SETD1A: variants seen among roughly 807,000 people sequenced by gnomAD.
The protein encoded by SETD1A is histone-lysine N-methyltransferase SETD1A.
In SETD1A, 29 loss-of-function variants were observed where a neutral mutation model predicts 149.9. That is an observed-to-expected ratio of 0.19 (90% confidence interval 0.14 to 0.26). SETD1A has a LOEUF of 0.26. SETD1A is among the 10% of genes least tolerant of loss of function. SETD1A has a pLI of 1.00. For synonymous variants in SETD1A, 1,141 were observed against 968.5 expected (o/e 1.18, Z -3.31); for missense variants, 2,109 against 2,353.1 (o/e 0.90, Z 2.15).
chr16:30,964,578 C>T (rs2056107255), intron 6 of SETD1A, 34 bp from the exon 7 acceptor site: 1 of 1,594,940 alleles, frequency 6.3e-7, no homozygotes, highest in Non-Finnish European at 8.5e-7. Context: ...TCATAGAGAG[C>T]TGAGTCCAGC....
Position 30,965,803 on chromosome 16 carries a change from C to G in SETD1A, c.1922C>G (p.Pro641Arg). The change falls in exon 8 of 19, where the codon CCG becomes CGG. Residue 641 changes from proline to arginine, a missense_variant. Transcript: ENST00000262519. ...CTCCTCCCACCCAGACCTGATGGGC[C>G]GCCGCCCCCTGAGTACCCCCCACCT... ...AYLLPPRPDG[P>R]PPPEYPPPPP... 2 of 1,591,906 alleles carry G rather than the reference C, an allele frequency of 1.3e-6. No individual in the cohort carries two copies. Among genetic ancestry groups the G allele is most frequent in the Non-Finnish European group, 1.7e-6 (2 of 1,167,810 alleles).
rs975419091 is a variant in SETD1A, at chr16:30,958,835, C to T, written c.104C>T (p.Pro35Leu). 11 of 1,614,064 alleles carry T rather than the reference C, an allele frequency of 6.8e-6. No homozygotes were observed. The highest frequency in any genetic ancestry group is 1.7e-5 in the Admixed American group (1 of 60,008). Residue 35 changes from proline (P) to leucine (L), a missense_variant, in exon 2 of 19, where the codon CCT becomes CTT. Physicochemically the swap from Pro to Leu is moderately conservative, Grantham distance 98. Transcript: ENST00000262519. ...GCCTTGGACCCTGCCCTGCGCAGGC[C>T]TTCTCAGAAGGTGTACCGCTATGAT... is the stretch of plus-strand genomic sequence containing the variant. Reference protein sequence around the residue: ...DPALDPALRRPSQKVYRYDGV... With the variant: ...DPALDPALRRLSQKVYRYDGV...
chr16:30,974,589 A>G (rs998253456), intron 13 of SETD1A, among the ~76,000 whole-genome samples: 42 of 152,284 alleles, frequency 2.8e-4, no homozygotes, highest in African/African-American at 1.0e-3. Context: ...TTTGACAGTT[A>G]GGAGGTCATT....
rs2056117500 is a variant in SETD1A, at chr16:30,964,995, G to GCCGGCCCACCGACCAGGACTA, written c.1260_1280dup (p.Thr421_Pro427dup). 6.2e-7 allele frequency: 1 copy of GCCGGCCCACCGACCAGGACTA among 1,613,780 alleles called. No homozygotes were observed. Among genetic ancestry groups the GCCGGCCCACCGACCAGGACTA allele is most frequent in the African/African-American group, 1.3e-5 (1 of 75,028 alleles). Reference sequence around the variant, plus strand: ...ACCTCCTACCTGCCCCCCGAGCCCAGCCGGCCCACCGACCAGGACTACCGG... The same window carrying GCCGGCCCACCGACCAGGACTA: ...ACCTCCTACCTGCCCCCCGAGCCCAGCCGGCCCACCGACCAGGACTACCGGCCCACCGACCAGGACTACCGG... On this transcript the variant is annotated inframe_insertion, in exon 7 of 19. Transcript: ENST00000262519.
intron 10 of SETD1A, 126 bp downstream of exon 10, chr16:30,967,714 G>T: frequency 1.3e-6 from 1 of 750,776 alleles, no homozygotes. Flanking sequence ...GGGTTGAAAT[G>T]CAGCAGTTCT....
rs1261769587 is a variant in SETD1A, at chr16:30,979,187, C to T, written c.3401C>T (p.Pro1134Leu). 3.1e-6 allele frequency: 5 copies of T among 1,590,574 alleles called. No individual in the cohort carries two copies. The highest frequency in any genetic ancestry group is 4.5e-5 in the East Asian group (2 of 43,978). ...ESPPSAPLRP[P>L]EPPAGPPAPA... is the part of the protein sequence containing the mutation. ...CCCCCCAGTGCGCCTCTGCGTCCCC[C>T]AGAACCACCTGCTGGGCCCCCGGCC... The change falls in exon 14 of 19, where the codon CCA becomes CTA. Residue 1134 changes from proline (P) to leucine (L), a missense_variant. By Grantham distance (98) the Pro-to-Leu change is moderately conservative (BLOSUM62 -3). Transcript: ENST00000262519.
In SETD1A at chr16:30,965,663, C is replaced by T; in HGVS notation, c.1782C>T (p.Pro594=). The T allele has an allele frequency of 6.2e-7, 1 of 1,612,050 alleles. No homozygotes were observed. The highest frequency in any genetic ancestry group is 8.5e-7 in the Non-Finnish European group (1 of 1,179,332). The change falls in exon 8 of 19, where the codon CCC becomes CCT. Residue 594 remains proline (P), a synonymous_variant. Transcript: ENST00000262519. ...EISDDDRGGS[P]PPAPTPPQQP... ...CCGACGACGACCGGGGTGGCTCACC[C>T]CCTCCGGCCCCGACGCCCCCTCAGC...
In SETD1A at chr16:30,984,031, C is replaced by G; in HGVS notation, c.*8C>G. 2 of 1,609,108 alleles carry G rather than the reference C, an allele frequency of 1.2e-6. No individual in the cohort carries two copies. Among genetic ancestry groups the G allele is most frequent in the Non-Finnish European group, 1.7e-6 (2 of 1,177,558 alleles). On this transcript the variant is annotated 3_prime_UTR_variant, in exon 19 of 19. Transcript: ENST00000262519. The stretch of plus-strand genomic sequence containing the variant: ...CGGGGCTCCCTAAACTGAGGTGGGG[C>G]AGGATGGGTGCCCACACCCCTATTT...
chr16:30,983,632 C>T lies in SETD1A; in HGVS notation c.4813-3C>T. The stretch of plus-strand genomic sequence containing the variant: ...CCCTGACCATCGCATCTCACCCTGG[C>T]AGATGGTGGCCGACATGCGGGAGAA... On this transcript the variant is annotated splice_region_variant and splice_polypyrimidine_tract_variant and intron_variant, in intron 17 of 18. Coordinates refer to ENST00000262519, the MANE Select transcript of SETD1A (RefSeq NM_014712.3). The surrounding 1 kb of genome is among the most constrained non-coding windows in gnomAD (Gnocchi z 6.8). 4 of 1,611,636 alleles carry T rather than the reference C, an allele frequency of 2.5e-6. No individual in the cohort carries two copies. Among genetic ancestry groups the T allele is most frequent in the South Asian group, 1.1e-5 (1 of 90,446 alleles).
rs370192743 is a variant in SETD1A, at chr16:30,979,493, G to A, written c.3707G>A (p.Arg1236Gln). 7.6e-5 allele frequency: 122 copies of A among 1,601,856 alleles called. No individual in the cohort carries two copies. Among genetic ancestry groups the A allele is most frequent in the Non-Finnish European group, 9.1e-5 (107 of 1,174,828 alleles). ...SRGGRSRAGG[R>Q]GRLTEEEEAE... Reference sequence around the variant, plus strand: ...GGAGGCCGGAGCCGGGCTGGAGGCCGAGGCCGCCTCACCGAGGAAGAGGAG... The same window carrying A: ...GGAGGCCGGAGCCGGGCTGGAGGCCAAGGCCGCCTCACCGAGGAAGAGGAG... The change falls in exon 14 of 19, where the codon CGA (arginine) becomes CAA (glutamine). Residue 1236 changes from arginine (R) to glutamine (Q), a missense_variant. Coordinates refer to ENST00000262519, the MANE Select transcript of SETD1A (RefSeq NM_014712.3).
In SETD1A at chr16:30,961,698, C is replaced by T. The variant is rs976633869; in HGVS notation, c.517+161C>T. ...CAGATTTTAGAGTGGAATTATGGTACATGGATTTTTGTGTGTGTGGTGTCT... is the reference window on the plus strand; with the variant it reads ...CAGATTTTAGAGTGGAATTATGGTATATGGATTTTTGTGTGTGTGGTGTCT... On this transcript the variant is annotated intron_variant, in intron 4 of 18. Coordinates refer to ENST00000262519, the MANE Select transcript of SETD1A (RefSeq NM_014712.3). The surrounding 1 kb of genome is among the most constrained non-coding windows in gnomAD (Gnocchi z 4.0). Among the ~76,000 whole-genome samples, 1 of 151,430 alleles carries T rather than the reference C, an allele frequency of 6.6e-6. No individual in the cohort carries two copies. Among genetic ancestry groups the T allele is most frequent in the Non-Finnish European group, 1.5e-5 (1 of 67,956 alleles).
Position 30,971,452 on chromosome 16 carries a change from T to A in SETD1A, c.3091T>A (p.Ser1031Thr), listed in dbSNP as rs1430573884. 6.2e-7 allele frequency: 1 copy of A among 1,613,800 alleles called. No individual in the cohort carries two copies. Among genetic ancestry groups the A allele is most frequent in the Admixed American group, 1.7e-5 (1 of 60,004 alleles). Residue 1031 changes from serine (S) to threonine (T), a missense_variant, in exon 13 of 19, where the codon TCA (serine) becomes ACA (threonine). By Grantham distance (58) the Ser-to-Thr change is moderately conservative. Around this residue, in one of 8 missense-constraint regions of SETD1A, gnomAD observed 832 missense variants for 815.6 expected, o/e 1.02. Transcript: ENST00000262519. ...ADSDGENDST[S>T]DSESSSSSSS... ...CTCAGATGGCGAAAATGACAGCACA[T>A]CAGACTCCGAGAGCAGCAGCTCTTC...
At chr16:30,968,931 C>T (rs533913262) in intron 10 of SETD1A, among the ~76,000 whole-genome samples, 1 of 152,154 alleles carries the variant, frequency 6.6e-6, no homozygotes, top group Admixed American at 6.5e-5. Flanking sequence ...ATAGGTAGAC[C>T]CTGTCTCTAC....
At chr16:30,965,516 CCTAGGGGAGAGGGAAGGG>C in intron 7 of SETD1A, 55 bp downstream of exon 7, 1 of 1,588,766 alleles carries the variant, frequency 6.3e-7, no homozygotes, top group Non-Finnish European at 8.6e-7. Context: ...CAGGGTTGGG[CCTAGGGGAGAGGGAAGGG>C]AACCAGATGA....
At chr16:30,972,407 C>T (rs769684960) in intron 13 of SETD1A, among the ~76,000 whole-genome samples, 19 of 151,514 alleles carry the variant, frequency 1.3e-4, no homozygotes, top group South Asian at 4.1e-4. Context: ...GAGGCCAAGG[C>T]GGGTGGATCA....
At chr16:30,978,750 G>A (rs2056318521) in intron 13 of SETD1A, among the ~76,000 whole-genome samples, 1 of 152,268 alleles carries the variant, frequency 6.6e-6, no homozygotes, top group Non-Finnish European at 1.5e-5. Context: ...TCCTTGGCAT[G>A]TGACATGGCT....
chr16:30,972,538 T>C (rs1056362502), intron 13 of SETD1A, among the ~76,000 whole-genome samples: 2 of 151,428 alleles, frequency 1.3e-5, no homozygotes, highest in African/African-American at 4.9e-5. Flanking sequence ...CTCAGGAGGC[T>C]GAGGCAGGAG....
chr16:30,983,364 G>A lies in SETD1A; in HGVS notation c.4813-271G>A, dbSNP rs529524064. ...CCCCACTGTGACCAGGCAGATGCTC[G>A]AAGGAGTCAGTGGCTCTCTTACCCA... On this transcript the variant is annotated intron_variant, in intron 17 of 18. Transcript: ENST00000262519. This position sits in a 1 kb window ranked among gnomAD's most constrained non-coding sequence, Gnocchi z 6.8. Among the ~76,000 whole-genome samples the A allele has an allele frequency of 6.6e-6, 1 of 152,178 alleles. No individual in the cohort carries two copies. Among genetic ancestry groups the A allele is most frequent in the African/African-American group, 2.4e-5 (1 of 41,424 alleles).
intron 10 of SETD1A, among the ~76,000 whole-genome samples, chr16:30,967,924 C>T (rs2056170612): frequency 6.6e-6 from 1 of 152,192 alleles, no homozygotes; most frequent in Admixed American, 6.5e-5. Flanking sequence ...CACCTTCCTC[C>T]TAGTTTGCCT....
Sources: allele counts gnomAD v4.1 joint callset (sites outside exome capture counted in the v4.1 genomes callset), GRCh38; gene constraint gnomAD v4.1.1; regional missense constraint gnomAD v4.1.1; non-coding constraint Gnocchi (gnomAD v3.1); transcripts MANE v1.5; gene names NCBI Gene and HGNC (gene_info 2026-07-23, HGNC 2026-07-21).